SRGAP2B: variants seen among roughly 807,000 people sequenced by gnomAD.
SRGAP2B encodes the protein SLIT-ROBO Rho GTPase activating protein 2B.
Under a neutral mutation model 22.2 loss-of-function variants are expected in SRGAP2B, and 9 were observed. That is an observed-to-expected ratio of 0.41 (90% CI 0.24 to 0.71). The LOEUF is 0.71. Ranked by LOEUF, SRGAP2B falls within the 30% of genes least tolerant of loss-of-function variation. The probability of loss-of-function intolerance (pLI) is 0.35; values close to 1 mark genes in which losing one functional copy is unlikely to be tolerated. For missense variants in SRGAP2B, 114 were observed against 235.8 expected (o/e 0.48, Z 3.38); for synonymous variants, 36 against 87.4 (o/e 0.41, Z 3.28).
intron 5 of SRGAP2B, among the ~76,000 whole-genome samples, chr1:144,910,794 G>C (rs1286679849): frequency 2.1e-5 from 1 of 47,524 alleles, no homozygotes; most frequent in Non-Finnish European, 4.1e-5. Flanking sequence ...CATTCCCGGT[G>C]CATCAGTCAG....
intron 3 of SRGAP2B, among the ~76,000 whole-genome samples, chr1:144,965,688 C>T (rs1217954488): frequency 2.4e-5 from 3 of 125,564 alleles, no homozygotes; most frequent in Non-Finnish European, 4.8e-5. Context: ...GATCAAATTA[C>T]TCTGAGCTAT....
intron 3 of SRGAP2B, among the ~76,000 whole-genome samples, chr1:144,958,355 T>C (rs1223341638): frequency 6.6e-6 from 1 of 150,912 alleles, no homozygotes. Context: ...TACCACTTAA[T>C]GCTAATAAGT....
intron 3 of SRGAP2B, among the ~76,000 whole-genome samples, chr1:144,956,831 T>A (rs1667304130): frequency 6.7e-6 from 1 of 148,390 alleles, no homozygotes; most frequent in Non-Finnish European, 1.5e-5. Flanking sequence ...CAACAGAAAG[T>A]TCTACATTTG....
chr1:144,931,002 TTA>T (rs1404962989), intron 4 of SRGAP2B, among the ~76,000 whole-genome samples: 3 of 145,474 alleles, frequency 2.1e-5, no homozygotes, highest in Non-Finnish European at 4.5e-5. Context: ...GCTCTCCTCA[TTA>T]ACACTCTGAT....
chr1:145,041,075 G>GTATATATATATATA (rs370443273), intron 2 of SRGAP2B, among the ~76,000 whole-genome samples: 1 of 76,470 alleles, frequency 1.3e-5, no homozygotes, highest in Non-Finnish European at 2.4e-5. Flanking sequence ...TATATATATA[G>GTATATATATATATA]TATATATATA....
chr1:144,917,642 T>A (rs1407136266), intron 4 of SRGAP2B, among the ~76,000 whole-genome samples: 2 of 145,826 alleles, frequency 1.4e-5, no homozygotes, highest in African/African-American at 5.6e-5. Context: ...GGAGGACCAC[T>A]CAACTATTAT....
intron 2 of SRGAP2B, among the ~76,000 whole-genome samples, chr1:145,079,715 CA>C (rs1271324011): frequency 3.2e-4 from 40 of 124,852 alleles, no homozygotes; most frequent in Admixed American, 2.6e-3. Flanking sequence ...CTAGCCTATT[CA>C]TTAGGCGAAA....
chr1:144,907,177 A>AAC (rs1486547786), intron 5 of SRGAP2B, among the ~76,000 whole-genome samples: 2 of 150,414 alleles, frequency 1.3e-5, no homozygotes, highest in Admixed American at 6.6e-5. Context: ...GTGTGTGTGT[A>AAC]ACACAGGAGT....
intron 2 of SRGAP2B, among the ~76,000 whole-genome samples, chr1:145,081,687 C>A (rs1479086464): frequency 4.0e-5 from 6 of 149,174 alleles, no homozygotes; most frequent in Admixed American, 6.6e-5. Flanking sequence ...CACACACACA[C>A]AAAATCTAAT....
intron 2 of SRGAP2B, among the ~76,000 whole-genome samples, chr1:145,030,461 C>A: frequency 8.5e-6 from 1 of 118,154 alleles, no homozygotes. Flanking sequence ...AAAAAAAAAC[C>A]AAACACGGCA....
intron 4 of SRGAP2B, among the ~76,000 whole-genome samples, chr1:144,951,640 C>T (rs1481704819): frequency 1.3e-5 from 2 of 149,902 alleles, no homozygotes; most frequent in African/African-American, 5.0e-5. Context: ...AATATAATGA[C>T]TTCTATTATC....
At position 144,966,518 on chromosome 1, in the gene SRGAP2B, T is replaced by G. The variant is rs1668095914; in HGVS notation, c.261-10917A>C. The stretch of plus-strand genomic sequence containing the variant: ...GCTAAACGTGGAAAGGAACAACCAG[T>G]ACCAGCCACTGCAAAAACATGCCCA... On this transcript the variant is annotated intron_variant, in intron 3 of 9. Transcript: ENST00000612199. Among the ~76,000 whole-genome samples, 5 of 147,098 alleles carry G rather than the reference T, an allele frequency of 3.4e-5. 1 individual carries two copies. The South Asian group carries it at 1.1e-3, about 31-fold the overall frequency.
At chr1:144,996,060 T>C (rs1287508061) in intron 2 of SRGAP2B, among the ~76,000 whole-genome samples, 1 of 150,950 alleles carries the variant, frequency 6.6e-6, no homozygotes, top group East Asian at 1.9e-4. Flanking sequence ...CTGGTCAGGG[T>C]CCTTGTATGG....
intron 2 of SRGAP2B, among the ~76,000 whole-genome samples, chr1:145,069,965 T>C (rs1553633132): frequency 1.3e-5 from 2 of 149,052 alleles, no homozygotes. Flanking sequence ...GGTATATTTC[T>C]CTAACACACC....
At chr1:144,967,460 C>A (rs1202097362) in intron 3 of SRGAP2B, among the ~76,000 whole-genome samples, 1 of 136,280 alleles carries the variant, frequency 7.3e-6, no homozygotes, top group Non-Finnish European at 1.6e-5. Flanking sequence ...AAAGACACAA[C>A]ATACCAGAAT....
chr1:144,970,223 A>G (rs1200296362), intron 3 of SRGAP2B, among the ~76,000 whole-genome samples: 20 of 132,268 alleles, frequency 1.5e-4, no homozygotes, highest in Admixed American at 1.4e-3. Flanking sequence ...CATTATTCAC[A>G]ATAGCAAAGA....
At chr1:144,986,434 C>T (rs1553615973) in intron 3 of SRGAP2B, among the ~76,000 whole-genome samples, 2 of 149,112 alleles carry the variant, frequency 1.3e-5, no homozygotes, top group Non-Finnish European at 3.0e-5. Context: ...CTAGAGTCAG[C>T]AAAATCAAGG....
At chr1:144,932,723 T>C (rs1474609604) in intron 4 of SRGAP2B, among the ~76,000 whole-genome samples, 1 of 112,472 alleles carries the variant, frequency 8.9e-6, no homozygotes, top group Non-Finnish European at 1.8e-5. Context: ...ATCAGTACTG[T>C]TTCTAGAATG....
chr1:144,950,992 G>A (rs1275278478), intron 4 of SRGAP2B, among the ~76,000 whole-genome samples: 2 of 149,266 alleles, frequency 1.3e-5, no homozygotes, highest in Non-Finnish European at 3.0e-5. Context: ...GGGATTACAG[G>A]CACTGGCCAT....
Sources: gnomAD v4.1 joint callset for allele counts (sites outside exome capture counted in the v4.1 genomes callset) on GRCh38, gnomAD v4.1.1 for gene constraint, MANE v1.5 for transcripts, NCBI Gene and HGNC (gene_info 2026-07-23, HGNC 2026-07-21) for gene names.